The following DNAH17 variants were observed in gnomAD, a reference collection of about 807,000 sequenced individuals.
The protein encoded by DNAH17 is axonemal beta dynein heavy chain 17.
In DNAH17, 376 loss-of-function variants were observed where a neutral mutation model predicts 485.6. The ratio of observed to expected loss-of-function variants is 0.77; its 90% confidence interval spans 0.71 to 0.84. The LOEUF is 0.84. DNAH17 is among the 40% of genes least tolerant of loss of function. The probability of loss-of-function intolerance (pLI) is 0.00; values close to 1 mark genes in which losing one functional copy is unlikely to be tolerated. For missense variants in DNAH17, 6,370 were observed against 5,839.3 expected, an observed-to-expected ratio of 1.09 and a Z score of -2.96; for synonymous variants, 3,031 against 2,405.9, an observed-to-expected ratio of 1.26 and a Z score of -7.60.
intron 13 of DNAH17, among the ~76,000 whole-genome samples, chr17:78,558,667 A>C (rs923818417): frequency 1.3e-5 from 2 of 152,070 alleles, no homozygotes; most frequent in Non-Finnish European, 1.5e-5. Flanking sequence ...ACATCATCCT[A>C]ATTTTCTTAT....
rs544265272 is a variant in DNAH17 at position 78,459,150 on chromosome 17, C to T, written c.9712G>A (p.Ala3238Thr). ...ATGCACCAGGAGCACAGGCCGGCGG[C>T]GGCCGTGGACTTGGAGCGGATGAAC... ...PEFIRSKSTA[A>T]AGLCSWCINI... The change falls in exon 61 of 81, where the codon GCC becomes ACC. Residue 3238 changes from alanine to threonine, a missense_variant. Coordinates refer to ENST00000389840, the MANE Select transcript of DNAH17 (RefSeq NM_173628.4). 3.7e-6 allele frequency: 6 copies of T among 1,613,972 alleles called. No homozygotes were observed. In the South Asian group the frequency reaches 4.4e-5, roughly 12 times the overall value.
At chr17:78,481,193 C>A (rs571945961) in intron 48 of DNAH17, among the ~76,000 whole-genome samples, 205 of 151,322 alleles carry the variant, frequency 1.4e-3, no homozygotes, top group African/African-American at 4.8e-3. Context: ...ACCTCCGCCT[C>A]CTGGGTTCGC....
In DNAH17 at chr17:78,494,739, C is replaced by T. The variant is rs2090003096; in HGVS notation, c.6124G>A (p.Ala2042Thr). The T allele has an allele frequency of 1.9e-6, 3 of 1,613,716 alleles. No individual in the cohort carries two copies. Among genetic ancestry groups the T allele is most frequent in the Middle Eastern group, 1.7e-4 (1 of 6,060 alleles). Residue 2042 changes from alanine (A) to threonine (T), a missense_variant, in exon 40 of 81, where the codon GCA (alanine) becomes ACA (threonine). Coordinates refer to ENST00000389840, the MANE Select transcript of DNAH17 (RefSeq NM_173628.4). ...GSLKRGDPSRAEDQVLMRALR... is the reference protein window; with the variant it reads ...GSLKRGDPSRTEDQVLMRALR... ...GCCCGCATGAGCACCTGGTCCTCTG[C>T]CCGGCTGGGGTCGCCCCTCTTCAGG...
Position 78,434,051 on chromosome 17 carries a change from T to G in DNAH17, c.12203A>C (p.Asn4068Thr). Residue 4068 changes from asparagine to threonine, a missense_variant, in exon 75 of 81, where the codon AAC becomes ACC. Physicochemically the swap from Asn to Thr is moderately conservative, Grantham distance 65 (BLOSUM62 0). Coordinates refer to ENST00000389840, the MANE Select transcript of DNAH17 (RefSeq NM_173628.4). ...DLTISINVLY[N>T]YLEANPKVPW... ...CACCTTGGGGTTGGCCTCCAGGTAG[T>G]TGTAGAGCACGTTGATGGAGATGGT... The G allele has an allele frequency of 6.2e-7, 1 of 1,610,570 alleles. No homozygotes were observed. The highest frequency in any genetic ancestry group is 1.1e-5 in the South Asian group (1 of 90,878).
chr17:78,553,435 G>A (rs2091954325), intron 14 of DNAH17, among the ~76,000 whole-genome samples: 1 of 151,480 alleles, frequency 6.6e-6, no homozygotes, highest in South Asian at 2.1e-4. Context: ...CCCAGTAGCT[G>A]GGACTATAGG....
chr17:78,440,965 A>C (rs939802005), intron 72 of DNAH17, 86 bp downstream of exon 72: 10 of 1,497,262 alleles, frequency 6.7e-6, no homozygotes, highest in Non-Finnish European at 8.2e-6. Flanking sequence ...GTGGTGTCTC[A>C]TGTGCTTTTG....
chr17:78,544,140 A>G, intron 16 of DNAH17, 143 bp from the exon 17 acceptor site: 1 of 1,208,862 alleles, frequency 8.3e-7, no homozygotes, highest in Non-Finnish European at 1.1e-6. Context: ...ATCCATGCCC[A>G]TCAGGGGCTA....
At chr17:78,492,584 A>C (rs779667788) in intron 42 of DNAH17, 49 bp downstream of exon 42, 1 of 1,605,582 alleles carries the variant, frequency 6.2e-7, no homozygotes, top group South Asian at 1.1e-5. Flanking sequence ...CGCTCACTGC[A>C]CTGGACCAGG....
intron 65 of DNAH17, among the ~76,000 whole-genome samples, chr17:78,452,410 G>C (rs1313650878): frequency 5.3e-5 from 8 of 152,132 alleles, no homozygotes; most frequent in Non-Finnish European, 1.2e-4. Context: ...ATGAAGGACT[G>C]ACACATGCGA....
chr17:78,490,949 G>A lies in DNAH17; in HGVS notation c.6670-102C>T, dbSNP rs1032647685. 59 of 1,395,292 alleles carry A rather than the reference G, an allele frequency of 4.2e-5. No individual in the cohort carries two copies. The Admixed American group carries it at 6.2e-4, about 15-fold the overall frequency. 86.4% of individuals were successfully genotyped at this position (1,395,292 alleles called of 1,614,324 possible). On this transcript the variant is annotated intron_variant, in intron 43 of 80. Transcript: ENST00000389840. ...TCGGAGCAAACCTCCGAGCAAGGAGGAGGGGCCCAGGCCAGCCCTGCCACC... is the reference window on the plus strand; with the variant it reads ...TCGGAGCAAACCTCCGAGCAAGGAGAAGGGGCCCAGGCCAGCCCTGCCACC...
At chr17:78,475,161 A>G in intron 54 of DNAH17, 117 bp downstream of exon 54, 1 of 1,180,932 alleles carries the variant, frequency 8.5e-7, no homozygotes, top group East Asian at 2.4e-5. Flanking sequence ...GATAAGGACT[A>G]TTGGTGATGC....
In DNAH17 at chr17:78,576,416, G is replaced by A. The variant is rs367995433; in HGVS notation, c.-26+879C>T. 2.0e-4 allele frequency among the ~76,000 whole-genome samples: 31 copies of A among 152,214 alleles called. No individual in the cohort carries two copies. The East Asian group carries it at 3.3e-3, about 16-fold the overall frequency. On this transcript the variant is annotated intron_variant, in intron 1 of 80. Transcript: ENST00000389840. ...GGCCAGCAAATGGCAGAAACATGGCGGTCCACGAGCAAAGCCACCCGATTC... is the reference window on the plus strand; with the variant it reads ...GGCCAGCAAATGGCAGAAACATGGCAGTCCACGAGCAAAGCCACCCGATTC...
Position 78,472,707 on chromosome 17 carries a change from G to A in DNAH17, c.8511+2571C>T, listed in dbSNP as rs758839910. The A allele has an allele frequency of 7.7e-5, 35 of 454,836 alleles. 1 individual carries two copies. Among genetic ancestry groups the A allele is most frequent in the South Asian group, 3.9e-4 (25 of 64,266 alleles). 28.2% of individuals were successfully genotyped at this position (454,836 alleles called of 1,614,324 possible). ...ACCCCAGCCGAGTCCCCGAGGTCACGCACGCTGTCTCGGCAGGCACAGCCC... is the reference window on the plus strand; with the variant it reads ...ACCCCAGCCGAGTCCCCGAGGTCACACACGCTGTCTCGGCAGGCACAGCCC... On this transcript the variant is annotated intron_variant, in intron 54 of 80. Coordinates refer to ENST00000389840, the MANE Select transcript of DNAH17 (RefSeq NM_173628.4).
intron 26 of DNAH17, chr17:78,510,759 G>GC (rs753751538): frequency 7.9e-5 from 25 of 316,876 alleles, no homozygotes; most frequent in Admixed American, 2.0e-4. Flanking sequence ...CGGCCCCCCC[G>GC]CAAAATTCAC....
At chr17:78,548,718 T>C (rs190600750) in intron 16 of DNAH17, among the ~76,000 whole-genome samples, 35 of 152,336 alleles carry the variant, frequency 2.3e-4, no homozygotes, top group Admixed American at 2.0e-3. Flanking sequence ...GAATTGTTGA[T>C]TCCAGGCCTG....
intron 20 of DNAH17, among the ~76,000 whole-genome samples, chr17:78,531,916 G>C (rs1000268619): frequency 3.9e-5 from 6 of 152,196 alleles, no homozygotes; most frequent in African/African-American, 1.4e-4. Context: ...CTTGCCCATG[G>C]ACGACCCCTC....
intron 1 of DNAH17, 118 bp from the exon 2 acceptor site, chr17:78,575,200 G>A (rs373366987): frequency 2.4e-5 from 18 of 756,174 alleles, no homozygotes; most frequent in East Asian, 8.2e-5. Context: ...ACAGTTGGTC[G>A]AGAGTGTGCA....
At chr17:78,472,325 A>AGTGGGGGTGCGAGGGTTAGGGTTAGGGT (rs1361053379) in intron 54 of DNAH17, among the ~76,000 whole-genome samples, 1 of 137,652 alleles carries the variant, frequency 7.3e-6, no homozygotes, top group African/African-American at 3.4e-5. Flanking sequence ...AGGGTTAGGG[A>AGTGGGGGTGCGAGGGTTAGGGTTAGGGT]ATGGGGGTGC....
Position 78,444,624 on chromosome 17 carries a change from A to G in DNAH17, c.11508T>C (p.Asp3836=), listed in dbSNP as rs2087204656. The G allele has an allele frequency of 6.3e-7, 1 of 1,580,104 alleles. No homozygotes were observed. The highest frequency in any genetic ancestry group is 8.6e-7 in the Non-Finnish European group (1 of 1,164,004). The change falls in exon 71 of 81, where the codon GAT becomes GAC. Residue 3836 remains aspartate (D), a synonymous_variant. Transcript: ENST00000389840. ...CTCACTTGATAGCGTAGGTCATGCG[A>G]TCTGGCCGCAGGCAGCGCACCATGC... is the stretch of plus-strand genomic sequence containing the variant. ...KLCMVRCLRP[D]RMTYAIKNFV... is the part of the protein sequence containing the mutation.
Sources: allele counts gnomAD v4.1 joint callset (sites outside exome capture counted in the v4.1 genomes callset), GRCh38; gene constraint gnomAD v4.1.1; transcripts MANE v1.5; gene names NCBI Gene and HGNC (gene_info 2026-07-23, HGNC 2026-07-21).